GPSM1: variants seen among roughly 807,000 people sequenced by gnomAD.
GPSM1 encodes the protein G protein signaling modulator 1.
GPSM1 carries 48 observed loss-of-function variants against 70.5 expected under a neutral mutation model. The ratio of observed to expected loss-of-function variants is 0.68; its 90% confidence interval spans 0.54 to 0.87. GPSM1 has a LOEUF of 0.87. GPSM1 is among the 40% of genes least tolerant of loss of function. The pLI is 0.00. For missense variants in GPSM1, 981 were observed against 972.6 expected (o/e 1.01, Z -0.11); for synonymous variants, 416 against 430.1 (o/e 0.97, Z 0.41).
Position 136,342,401 on chromosome 9 carries a change from A to G in GPSM1, c.1207+1408A>G, listed in dbSNP as rs1323286649. ...GGAAAAGGGGGGCCGGAGTGGGAGG[A>G]CGCTGGAACAATGCAGCTTCTGTCC... On this transcript the variant is annotated intron_variant, in intron 9 of 13. Coordinates refer to ENST00000440944, the MANE Select transcript of GPSM1 (RefSeq NM_001145638.3). This position sits in a 1 kb window ranked among gnomAD's most constrained non-coding sequence, Gnocchi z 5.5. Among the ~76,000 whole-genome samples, 1 of 152,080 alleles carries G rather than the reference A, an allele frequency of 6.6e-6. No homozygotes were observed. The highest frequency in any genetic ancestry group is 2.4e-5 in the African/African-American group (1 of 41,410).
At chr9:136,332,597 T>C (rs528352093) in intron 1 of GPSM1, among the ~76,000 whole-genome samples, 30 of 152,244 alleles carry the variant, frequency 2.0e-4, no homozygotes, top group Non-Finnish European at 3.8e-4. Flanking sequence ...CAAGTGGGCC[T>C]TAATCAGGAA....
Position 136,337,882 on chromosome 9 carries a change from G to T in GPSM1, c.739G>T (p.Ala247Ser). 2 of 1,612,666 alleles carry T rather than the reference G, an allele frequency of 1.2e-6. No homozygotes were observed. Among genetic ancestry groups the T allele is most frequent in the Non-Finnish European group, 1.7e-6 (2 of 1,179,832 alleles). The part of the protein sequence containing the change: ...AIAKEFGDKA[A>S]ERRAYSNLGN... Reference sequence around the variant, plus strand: ...TGCTAAGGAGTTTGGAGACAAGGCAGCCGAGAGGAGGGCCTACAGCAACCT... The same window carrying T: ...TGCTAAGGAGTTTGGAGACAAGGCATCCGAGAGGAGGGCCTACAGCAACCT... Residue 247 changes from alanine (A) to serine (S), a missense_variant, in exon 6 of 14, where the codon GCC (alanine) becomes TCC (serine). Transcript: ENST00000440944.
chr9:136,333,940 C>G (rs1832162412), intron 1 of GPSM1, among the ~76,000 whole-genome samples: 1 of 151,996 alleles, frequency 6.6e-6, no homozygotes, highest in South Asian at 2.1e-4. Flanking sequence ...AGATCAGATC[C>G]CCACCCCACC....
intron 6 of GPSM1, 122 bp downstream of exon 6, chr9:136,338,083 G>C (rs1235169976): frequency 3.1e-5 from 21 of 681,108 alleles, no homozygotes; most frequent in Non-Finnish European, 5.0e-5. Flanking sequence ...CAGAAGGCAA[G>C]GTGGGGTTCT....
At chr9:136,354,820 TGGACACAGGGAGCTCATGGCAGGGC>T (rs1183505607) in intron 11 of GPSM1, 1 of 993,962 alleles carries the variant, frequency 1.0e-6, no homozygotes, top group African/African-American at 1.7e-5. Context: ...GTGTAGGGCA[TGGACACAGGGAGCTCATGGCAGGGC>T]TGACACAGGG....
intron 13 of GPSM1, 110 bp downstream of exon 13, chr9:136,356,660 G>A: frequency 1.3e-6 from 1 of 782,712 alleles, no homozygotes. Flanking sequence ...GCCATCTCCG[G>A]TCATGTTTGA....
Position 136,348,699 on chromosome 9 carries a change from G to A in GPSM1, c.1210G>A (p.Ala404Thr). 6.2e-7 allele frequency: 1 copy of A among 1,610,872 alleles called. No individual in the cohort carries two copies. The highest frequency in any genetic ancestry group is 8.5e-7 in the Non-Finnish European group (1 of 1,178,888). The change falls in exon 10 of 14, where the codon GCC (alanine) becomes ACC (threonine). Residue 404 changes from alanine (A) to threonine (T), a missense_variant and splice_region_variant. Ala to Thr is a moderately conservative substitution (Grantham distance 58, BLOSUM62 0). Transcript: ENST00000440944. The part of the protein sequence containing the change: ...PDLAGYEAQG[A>T]RPKRTQRLSA... Reference sequence around the variant, plus strand: ...TGACCGGGTCCCTCTGTCTTCAGGGGCCAGACCCAAGAGGACGCAGAGGCT... The same window carrying A: ...TGACCGGGTCCCTCTGTCTTCAGGGACCAGACCCAAGAGGACGCAGAGGCT...
chr9:136,358,165 AG>A lies in GPSM1; in HGVS notation c.1978del (p.Ala660GlnfsTer129), dbSNP rs1832893446. ...QRVDLAGGPE[Q>X]GAGGPPEPQQ... ...GTGGACCTCGCCGGGGGCCCGGAGC[AG>A]GGGGCAGGCGGCCCGCCCGAGCCCC... On this transcript the variant is annotated frameshift_variant, in exon 14 of 14. Transcript: ENST00000440944. LOFTEE classifies it high-confidence loss of function. The A allele has an allele frequency of 7.5e-6, 12 of 1,590,926 alleles. No individual in the cohort carries two copies. Among genetic ancestry groups the A allele is most frequent in the Non-Finnish European group, 8.5e-6 (10 of 1,170,196 alleles).
At position 136,339,726 on chromosome 9, in the gene GPSM1, T is replaced by C. The variant is rs1554769864; in HGVS notation, c.994T>C (p.Cys332Arg). Reference protein sequence around the residue: ...LADRVGEGRACWSLGNAYVSM... With the variant: ...LADRVGEGRARWSLGNAYVSM... ...TGGCAGAGTGGGCGAGGGCCGGGCG[T>C]GCTGGAGCCTGGGAAATGCCTACGT... The change falls in exon 8 of 14, where the codon TGC becomes CGC. Residue 332 changes from cysteine to arginine, a missense_variant. By Grantham distance (180) the Cys-to-Arg change is radical (BLOSUM62 -3). Transcript: ENST00000440944. 1 of 1,549,896 alleles carries C rather than the reference T, an allele frequency of 6.5e-7. No individual in the cohort carries two copies. The highest frequency in any genetic ancestry group is 2.0e-5 in the Admixed American group (1 of 50,996).
chr9:136,338,244 G>A (rs984362341), intron 6 of GPSM1, among the ~76,000 whole-genome samples: 22 of 152,356 alleles, frequency 1.4e-4, no homozygotes, highest in African/African-American at 4.8e-4. Flanking sequence ...ACGGGGTCCT[G>A]TGCCCAGCCC....
intron 1 of GPSM1, among the ~76,000 whole-genome samples, chr9:136,329,924 G>A (rs1832063395): frequency 6.6e-6 from 1 of 150,856 alleles, no homozygotes; most frequent in South Asian, 2.1e-4. Context: ...GGTGGGGACG[G>A]GCCCCTGGGT....
rs1421625169 is a variant in GPSM1 at position 136,359,476 on chromosome 9, C to T, written c.*1256C>T. The T allele has an allele frequency of 1.3e-5, 2 of 152,314 alleles. No homozygotes were observed. Among genetic ancestry groups the T allele is most frequent in the Non-Finnish European group, 2.9e-5 (2 of 68,022 alleles). 9.4% of individuals were successfully genotyped at this position (152,314 alleles called of 1,614,324 possible). ...GGGTCTCCAGGACGTAGCGCCCCCCCGCATACTTGAATGTATGTGCGTATT... is the reference window on the plus strand; with the variant it reads ...GGGTCTCCAGGACGTAGCGCCCCCCTGCATACTTGAATGTATGTGCGTATT... On this transcript the variant is annotated 3_prime_UTR_variant, in exon 14 of 14. Coordinates refer to ENST00000440944, the MANE Select transcript of GPSM1 (RefSeq NM_001145638.3).
intron 9 of GPSM1, among the ~76,000 whole-genome samples, chr9:136,348,429 G>A (rs908558055): frequency 2.0e-5 from 3 of 152,188 alleles, no homozygotes; most frequent in Non-Finnish European, 2.9e-5. Context: ...GTCCAGAGCC[G>A]GGCCCTTCCA....
chr9:136,334,819 TG>T, intron 2 of GPSM1, 151 bp downstream of exon 2: 1 of 665,164 alleles, frequency 1.5e-6, no homozygotes, highest in Non-Finnish European at 2.6e-6. Context: ...ATGGCCCTGC[TG>T]GCGGGTGAGT....
chr9:136,332,483 C>G (rs753533919), intron 1 of GPSM1, among the ~76,000 whole-genome samples: 1 of 152,212 alleles, frequency 6.6e-6, no homozygotes, highest in Non-Finnish European at 1.5e-5. Flanking sequence ...GTCTGGGCTC[C>G]ACAGACACCC....
intron 1 of GPSM1, among the ~76,000 whole-genome samples, chr9:136,333,429 C>G (rs1189822314): frequency 1.3e-5 from 2 of 151,788 alleles, no homozygotes; most frequent in African/African-American, 4.8e-5. Context: ...ACCCCACACT[C>G]CTCCCCGGCA....
rs1308064875 is a variant in GPSM1 at position 136,340,812 on chromosome 9, G to C, written c.1084-58G>C. 5 of 1,511,126 alleles carry C rather than the reference G, an allele frequency of 3.3e-6. No individual in the cohort carries two copies. In the African/African-American group the frequency reaches 6.9e-5, roughly 21 times the overall value. The allele number at this position is 1,511,126 out of a possible 1,614,324, so 93.6% of individuals were successfully genotyped here. A position where few individuals can be genotyped will look rare whatever the true frequency, so the allele number is the denominator to read the frequency against. On this transcript the variant is annotated intron_variant, in intron 8 of 13. Coordinates refer to ENST00000440944, the MANE Select transcript of GPSM1 (RefSeq NM_001145638.3). The surrounding 1 kb of genome is among the most constrained non-coding windows in gnomAD (Gnocchi z 7.3). ...ACTGGGGGCCATTAAGGTCCCCTTG[G>C]AGCCCACAGCAGGGCCCCCAGCCAC...
chr9:136,339,846 G>A, intron 8 of GPSM1, 31 bp downstream of exon 8: 1 of 1,365,860 alleles, frequency 7.3e-7, no homozygotes, highest in Non-Finnish European at 1.0e-6. Context: ...GAAGTCCCGG[G>A]CACTGCCCAG....
chr9:136,341,922 AT>A lies in GPSM1; in HGVS notation c.1207+931del. 2 of 386,678 alleles carry A rather than the reference AT, an allele frequency of 5.2e-6. No homozygotes were observed. The highest frequency in any genetic ancestry group is 7.1e-6 in the Non-Finnish European group (2 of 282,572). The allele number at this position is 386,678 out of a possible 1,614,324, so 24.0% of individuals were successfully genotyped here. ...CATCTCGGCTTCCAGAAGTGCTGGGATTATAGGCGTGAGCCACCGTGCCCAG... is the reference window on the plus strand; with the variant it reads ...CATCTCGGCTTCCAGAAGTGCTGGGATATAGGCGTGAGCCACCGTGCCCAG... On this transcript the variant is annotated intron_variant, in intron 9 of 13. Transcript: ENST00000440944. This position sits in a 1 kb window ranked among gnomAD's most constrained non-coding sequence, Gnocchi z 6.7.
Sources: gnomAD v4.1 joint callset for allele counts (sites outside exome capture counted in the v4.1 genomes callset) on GRCh38, gnomAD v4.1.1 for gene constraint, Gnocchi (gnomAD v3.1) non-coding constraint, MANE v1.5 for transcripts, NCBI Gene and HGNC (gene_info 2026-07-23, HGNC 2026-07-21) for gene names.